Variants in PBXIP1 observed in about 807,000 individuals in gnomAD.
The protein encoded by PBXIP1 is pre-B-cell leukemia transcription factor-interacting protein 1.
In PBXIP1, 73 loss-of-function variants were observed where a neutral mutation model predicts 73.7. That is an observed-to-expected ratio of 0.99 (90% CI 0.82 to 1.20). The LOEUF (loss-of-function observed/expected upper bound fraction) is 1.20. PBXIP1 is among the 50% of genes most tolerant of loss of function. The pLI, the probability that PBXIP1 is intolerant of heterozygous loss-of-function variation, is 0.00. For synonymous variants in PBXIP1, 330 were observed against 366.9 expected, an observed-to-expected ratio of 0.90 and a Z score of 1.15; for missense variants, 818 against 911.4, an observed-to-expected ratio of 0.90 and a Z score of 1.32.
rs374137353 is a variant in PBXIP1, at chr1:154,946,608, C to A, written c.1066G>T (p.Gly356Trp). 1 of 1,612,900 alleles carries A rather than the reference C, an allele frequency of 6.2e-7. No individual in the cohort carries two copies. Among genetic ancestry groups the A allele is most frequent in the Non-Finnish European group, 8.5e-7 (1 of 1,179,472 alleles). Residue 356 changes from glycine (G) to tryptophan (W), a missense_variant, in exon 10 of 11, where the codon GGG (glycine) becomes TGG (tryptophan). Physicochemically the swap from Gly to Trp is radical, Grantham distance 184. Coordinates refer to ENST00000368463, the MANE Select transcript of PBXIP1 (RefSeq NM_020524.4). ...VRGPDGVCLS[G>W]GRGPQGDKAI... is the part of the protein sequence containing the mutation. The stretch of plus-strand genomic sequence containing the variant: ...TTGTCACCCTGTGGGCCTCTACCCC[C>A]ACTGAGGCACACCCCATCTGGGCCC...
Position 154,949,040 on chromosome 1 carries a change from T to A in PBXIP1, c.410-674A>T, listed in dbSNP as rs188696147. Among the ~76,000 whole-genome samples, 1,349 of 152,012 alleles carry A rather than the reference T, an allele frequency of 8.9e-3. 7 individuals are homozygous for A. Among genetic ancestry groups the A allele is most frequent in the Non-Finnish European group, 0.013 (877 of 67,958 alleles). ...CTAAGCCCTCCCTCTCCACCTCACA[T>A]CCAGACAGTTTCACAGTTCTACACT... On this transcript the variant is annotated intron_variant, in intron 5 of 10. Transcript: ENST00000368463.
rs1310705124 is a variant in PBXIP1 at position 154,951,155 on chromosome 1, T to G, written c.409+77A>C. On this transcript the variant is annotated intron_variant, in intron 5 of 10. Transcript: ENST00000368463. The surrounding 1 kb of genome is among the most constrained non-coding windows in gnomAD (Gnocchi z 4.3). The stretch of plus-strand genomic sequence containing the variant: ...GCCCTAGGGCCTGGACCACAGCATG[T>G]GCTCAGTAGTGATGGCTGATCCCTC... The G allele has an allele frequency of 7.4e-7, 1 of 1,351,902 alleles. No homozygotes were observed. The highest frequency in any genetic ancestry group is 1.4e-5 in the African/African-American group (1 of 69,904). The allele number at this position is 1,351,902 out of a possible 1,614,324, so 83.7% of individuals were successfully genotyped here.
Position 154,946,156 on chromosome 1 carries a change from T to G in PBXIP1, c.1518A>C (p.Gly506=). The G allele has an allele frequency of 6.2e-7, 1 of 1,614,070 alleles. No homozygotes were observed. The highest frequency in any genetic ancestry group is 8.5e-7 in the Non-Finnish European group (1 of 1,180,002). The change falls in exon 10 of 11, where the codon GGA becomes GGC. Residue 506 remains glycine, a synonymous_variant. Coordinates refer to ENST00000368463, the MANE Select transcript of PBXIP1 (RefSeq NM_020524.4). ...ESGRERKKNW[G]GQEDREPAGR... is the part of the protein sequence containing the mutation. ...CTGCTGGCTCCCTGTCCTCCTGACC[T>G]CCCCAGTTCTTCTTCCTTTCCCGGC...
rs1376424456 is a variant in PBXIP1 at position 154,951,505 on chromosome 1, G to A, written c.209C>T (p.Ser70Phe). ...GTLFQTESPQ[S>F]GSILTEETEV... ...AGTCTCCTCTGTTAGAATGCTGCCA[G>A]ACTGAGGGCTTTCAGTCTGGAAGAG... Residue 70 changes from serine to phenylalanine, a missense_variant, in exon 4 of 11, where the codon TCT (serine) becomes TTT (phenylalanine). Physicochemically the swap from Ser to Phe is radical, Grantham distance 155. Coordinates refer to ENST00000368463, the MANE Select transcript of PBXIP1 (RefSeq NM_020524.4). The surrounding 1 kb of genome is among the most constrained non-coding windows in gnomAD (Gnocchi z 4.3). The A allele has an allele frequency of 6.2e-7, 1 of 1,614,094 alleles. No individual in the cohort carries two copies. Among genetic ancestry groups the A allele is most frequent in the Middle Eastern group, 1.6e-4 (1 of 6,062 alleles).
At chr1:154,952,925 A>C (rs568093959) in intron 2 of PBXIP1, among the ~76,000 whole-genome samples, 88 of 152,116 alleles carry the variant, frequency 5.8e-4, no homozygotes, top group African/African-American at 2.0e-3. Context: ...GTTGAAACTG[A>C]GCTTCTCTCC....
Position 154,946,753 on chromosome 1 carries a change from CT to C in PBXIP1, c.920del (p.Glu307GlyfsTer75), listed in dbSNP as rs1654841632. ...CCCCCCGGAGCTGGGCATTCTCCTC[CT>C]CTAGCCCTTTGGGCTGGTGCATCAG... is the stretch of plus-strand genomic sequence containing the variant. ...QSLMHQPKGL[E>X]EENAQLRGAL... On this transcript the variant is annotated frameshift_variant, in exon 10 of 11. Coordinates refer to ENST00000368463, the MANE Select transcript of PBXIP1 (RefSeq NM_020524.4). LOFTEE classifies it high-confidence loss of function. The C allele has an allele frequency of 6.3e-6, 10 of 1,586,382 alleles. No homozygotes were observed. Among genetic ancestry groups the C allele is most frequent in the Non-Finnish European group, 8.6e-6 (10 of 1,163,710 alleles).
chr1:154,945,582 G>A lies in PBXIP1; in HGVS notation c.2092C>T (p.Leu698=). ...IFSHFFGDKA[L]KKRSGKKDKH... The stretch of plus-strand genomic sequence containing the variant: ...CCCACAGCTGCCCACCTCTTCTTCA[G>A]TGCTTTGTCTCCAAAGAAGTGGCTG... The change falls in exon 10 of 11, where the codon CTG becomes TTG. Residue 698 remains leucine, a synonymous_variant. Transcript: ENST00000368463. 1 of 1,612,804 alleles carries A rather than the reference G, an allele frequency of 6.2e-7. No homozygotes were observed. The highest frequency in any genetic ancestry group is 8.5e-7 in the Non-Finnish European group (1 of 1,178,964).
Position 154,947,646 on chromosome 1 carries a change from C to T in PBXIP1, c.734G>A (p.Arg245Lys), listed in dbSNP as rs147528083. 4.5e-5 allele frequency: 72 copies of T among 1,613,868 alleles called. No homozygotes were observed. Among genetic ancestry groups the T allele is most frequent in the Non-Finnish European group, 6.0e-5 (71 of 1,179,944 alleles). ...DPEVLEAVGD[R>K]QDGLREQLQA... Reference sequence around the variant, plus strand: ...TCTGGAGACATTCACACATACCTGCCTGTCCCCCACAGCTTCCAGCACCTC... The same window carrying T: ...TCTGGAGACATTCACACATACCTGCTTGTCCCCCACAGCTTCCAGCACCTC... The change falls in exon 8 of 11, where the codon AGG becomes AAG. Residue 245 changes from arginine (R) to lysine (K), a missense_variant. Transcript: ENST00000368463.
intron 1 of PBXIP1, chr1:154,954,934 G>C: frequency 1.0e-6 from 1 of 978,306 alleles, no homozygotes; most frequent in Non-Finnish European, 1.2e-6. Flanking sequence ...AAGTGAGGCT[G>C]GGAGAGTATG....
In PBXIP1 at chr1:154,948,374, A is replaced by G. The variant is rs764103234; in HGVS notation, c.410-8T>C. 6.4e-6 allele frequency: 10 copies of G among 1,566,020 alleles called. No homozygotes were observed. The East Asian group carries it at 1.6e-4, about 25-fold the overall frequency. ...CCTCCTCCCTGATCCAAGCTAGGGGAAAGGACAGGGACAGGGCAGTGAGGT... is the reference window on the plus strand; with the variant it reads ...CCTCCTCCCTGATCCAAGCTAGGGGGAAGGACAGGGACAGGGCAGTGAGGT... On this transcript the variant is annotated splice_polypyrimidine_tract_variant and splice_region_variant and intron_variant, in intron 5 of 10. Coordinates refer to ENST00000368463, the MANE Select transcript of PBXIP1 (RefSeq NM_020524.4).
intron 5 of PBXIP1, among the ~76,000 whole-genome samples, chr1:154,950,898 C>G (rs534149672): frequency 6.6e-6 from 1 of 152,368 alleles, no homozygotes; most frequent in Non-Finnish European, 1.5e-5. Flanking sequence ...AGGCGGTAAC[C>G]AACCATCTTC....
At chr1:154,949,260 G>C (rs1272406057) in intron 5 of PBXIP1, among the ~76,000 whole-genome samples, 1 of 151,972 alleles carries the variant, frequency 6.6e-6, no homozygotes, top group East Asian at 1.9e-4. Flanking sequence ...CCACCTCCCA[G>C]GCTCAAGCGA....
intron 2 of PBXIP1, among the ~76,000 whole-genome samples, chr1:154,952,594 C>T (rs1655045093): frequency 6.6e-6 from 1 of 152,234 alleles, no homozygotes; most frequent in South Asian, 2.1e-4. Context: ...AACTATCCCT[C>T]TGAGAGTAAT....
chr1:154,949,573 A>G (rs971532454), intron 5 of PBXIP1, among the ~76,000 whole-genome samples: 2 of 152,146 alleles, frequency 1.3e-5, no homozygotes, highest in African/African-American at 2.4e-5. Context: ...AGGATAGCCA[A>G]TGTGTGGCTC....
At position 154,944,805 on chromosome 1, in the gene PBXIP1, G is replaced by A; in HGVS notation, c.*219C>T. 3.8e-6 allele frequency: 2 copies of A among 525,318 alleles called. No individual in the cohort carries two copies. The highest frequency in any genetic ancestry group is 3.4e-6 in the Non-Finnish European group (1 of 292,928). 32.5% of individuals were successfully genotyped at this position (525,318 alleles called of 1,614,324 possible). A position where few individuals can be genotyped will look rare whatever the true frequency, so the allele number is the denominator to read the frequency against. On this transcript the variant is annotated 3_prime_UTR_variant, in exon 11 of 11. Transcript: ENST00000368463. ...AACACAAGCCCACATCCCAGGGCCT[G>A]GAGTATTTGCATGCATTTGCATAGA...
At chr1:154,947,889 A>G (rs1023195754) in intron 7 of PBXIP1, 93 bp downstream of exon 7, 4 of 1,448,822 alleles carry the variant, frequency 2.8e-6, no homozygotes, top group Admixed American at 3.4e-5. Context: ...TAACTGAGAA[A>G]TAAATGTGAG....
At chr1:154,952,051 T>C in intron 2 of PBXIP1, 130 bp from the exon 3 acceptor site, 2 of 934,496 alleles carry the variant, frequency 2.1e-6, no homozygotes, top group Non-Finnish European at 3.1e-6. Context: ...TGCTCGGCAT[T>C]CCCCAGCCTC....
chr1:154,954,600 T>A (rs529299749), intron 1 of PBXIP1, among the ~76,000 whole-genome samples: 2 of 152,350 alleles, frequency 1.3e-5, no homozygotes, highest in South Asian at 4.1e-4. Flanking sequence ...ATCATGTATA[T>A]ATACATCACT....
In PBXIP1 at chr1:154,944,836, ACGCAGGTC is replaced by A; in HGVS notation, c.*180_*187del. 3.5e-6 allele frequency: 2 copies of A among 567,736 alleles called. No individual in the cohort carries two copies. Among genetic ancestry groups the A allele is most frequent in the South Asian group, 4.4e-5 (2 of 45,138 alleles). 35.2% of individuals were successfully genotyped at this position (567,736 alleles called of 1,614,324 possible). ...TTTGCATGCATTTGCATAGACGGCAACGCAGGTCCAGCTAAGGCCTTTTTCTACATAAA... is the reference window on the plus strand; with the variant it reads ...TTTGCATGCATTTGCATAGACGGCAACAGCTAAGGCCTTTTTCTACATAAA... On this transcript the variant is annotated 3_prime_UTR_variant, in exon 11 of 11. Coordinates refer to ENST00000368463, the MANE Select transcript of PBXIP1 (RefSeq NM_020524.4).
Sources: gnomAD v4.1 joint callset for allele counts (sites outside exome capture counted in the v4.1 genomes callset) on GRCh38, gnomAD v4.1.1 for gene constraint, Gnocchi (gnomAD v3.1) non-coding constraint, MANE v1.5 for transcripts, NCBI Gene and HGNC (gene_info 2026-07-23, HGNC 2026-07-21) for gene names.